The following CLCN5 variants were observed in gnomAD, a reference collection of about 807,000 sequenced individuals.
CLCN5 encodes Cl-/H+ antiporter 5.
Under a neutral mutation model 54.0 loss-of-function variants are expected in CLCN5, and 17 were observed. The observed-to-expected ratio is 0.31, with a 90% CI of 0.22 to 0.47. The LOEUF is 0.47. Ranked by LOEUF, CLCN5 falls within the 20% of genes least tolerant of loss-of-function variation. The pLI is 1.00. For missense variants in CLCN5, 448 were observed against 646.7 expected (o/e 0.69, Z 3.33); for synonymous variants, 222 against 233.0 (o/e 0.95, Z 0.43).
At chrX:50,021,252 T>G (rs1216049987) in intron 3 of CLCN5, among the ~76,000 whole-genome samples, 2 of 95,647 alleles carry the variant, frequency 2.1e-5, no homozygotes, top group African/African-American at 9.9e-5. Flanking sequence ...GAATGGGAGT[T>G]CACCCATGAT....
In CLCN5 at chrX:50,098,521, C is replaced by T. The variant is rs1302204264; in HGVS notation, c.*6302C>T. ...AGTAAGCTCTTTGTAGGGCTGGCTC[C>T]AACTGCAGTAGCCAAAGAAAACCTG... On this transcript the variant is annotated 3_prime_UTR_variant, in exon 15 of 15. Coordinates refer to ENST00000376091, the MANE Select transcript of CLCN5 (RefSeq NM_001127898.4). The T allele has an allele frequency of 8.8e-6, 1 of 113,223 alleles. No homozygotes were observed. The highest frequency in any genetic ancestry group is 1.9e-5 in the Non-Finnish European group (1 of 53,413). The allele number at this position is 113,223 out of a possible 1,213,427, so 9.3% of individuals were successfully genotyped here.
In CLCN5 at chrX:50,075,975, C is replaced by A; in HGVS notation, c.596C>A (p.Thr199Lys). 1 of 1,205,933 alleles carries A rather than the reference C, an allele frequency of 8.3e-7. No individual in the cohort carries two copies. ...AGTTGGTCCCAGCTTATCATCAGCA[C>A]AGATGAGGTAACATGTAGTGATGTT... ...WNSWSQLIIS[T>K]DEGAFAYIVN... The change falls in exon 7 of 15, where the codon ACA (threonine) becomes AAA (lysine). Residue 199 changes from threonine (T) to lysine (K), a missense_variant. By Grantham distance (78) the Thr-to-Lys change is moderately conservative. Transcript: ENST00000376091.
chrX:50,079,194 C>G (rs781890619), intron 7 of CLCN5, among the ~76,000 whole-genome samples: 7 of 111,462 alleles, frequency 6.3e-5, no homozygotes, highest in African/African-American at 2.0e-4. Flanking sequence ...CATTTCCTAC[C>G]TCTGCAGTCT....
At chrX:50,039,397 C>T (rs1217539016) in intron 3 of CLCN5, among the ~76,000 whole-genome samples, 1 of 111,790 alleles carries the variant, frequency 8.9e-6, no homozygotes, top group Non-Finnish European at 1.9e-5. Flanking sequence ...AATAACAAGC[C>T]TCAGAAGTGA....
At chrX:50,014,139 G>A (rs993218200) in intron 3 of CLCN5, among the ~76,000 whole-genome samples, 3 of 111,521 alleles carry the variant, frequency 2.7e-5, no homozygotes, top group Admixed American at 9.5e-5. Flanking sequence ...TCCTGAGCCT[G>A]CTGCTCTGCT....
chrX:49,951,345 C>G (rs1927035863), intron 3 of CLCN5, among the ~76,000 whole-genome samples: 1 of 111,941 alleles, frequency 8.9e-6, no homozygotes, highest in Non-Finnish European at 1.9e-5. Context: ...CATTAAGTCT[C>G]TAAGGTGACA....
chrX:50,070,077 A>G (rs1318257901), intron 5 of CLCN5, 47 bp downstream of exon 5: 1 of 1,066,362 alleles, frequency 9.4e-7, no homozygotes, highest in African/African-American at 1.8e-5. Flanking sequence ...AATACAGGGG[A>G]AGAAATTGAA....
chrX:50,000,641 C>T, intron 3 of CLCN5, among the ~76,000 whole-genome samples: 1 of 111,845 alleles, frequency 8.9e-6, no homozygotes, highest in South Asian at 3.8e-4. Flanking sequence ...AGTCAGATTA[C>T]CTGTGGTAGA....
At chrX:50,010,418 T>C (rs1557182357) in intron 3 of CLCN5, among the ~76,000 whole-genome samples, 1 of 110,395 alleles carries the variant, frequency 9.1e-6, no homozygotes, top group African/African-American at 3.3e-5. Flanking sequence ...TTTGTGTTTA[T>C]TTTTTGTAGA....
At chrX:50,042,519 A>C in intron 4 of CLCN5, 57 bp downstream of exon 4, 3 of 836,601 alleles carry the variant, frequency 3.6e-6, no homozygotes, top group Non-Finnish European at 4.7e-6. Flanking sequence ...TGTACAATAA[A>C]ATTTTATTTT....
intron 3 of CLCN5, among the ~76,000 whole-genome samples, chrX:49,925,746 G>C (rs1250079583): frequency 1.8e-5 from 2 of 112,097 alleles, no homozygotes; most frequent in Non-Finnish European, 3.8e-5. Context: ...GATGTATGCA[G>C]TTTGAAAGAG....
At chrX:50,042,284 G>T in intron 3 of CLCN5, 32 bp from the exon 4 acceptor site, 2 of 889,026 alleles carry the variant, frequency 2.2e-6, no homozygotes, top group Non-Finnish European at 3.1e-6. Context: ...GAAGATCATT[G>T]TTATAAGCCT....
At chrX:50,050,344 A>G (rs1932534832) in intron 4 of CLCN5, 1 of 112,198 alleles carries the variant, frequency 8.9e-6, no homozygotes, top group Admixed American at 9.4e-5. Context: ...CCTACCAGCT[A>G]TGAATGAGAG....
At chrX:49,996,772 C>T (rs1190561699) in intron 3 of CLCN5, among the ~76,000 whole-genome samples, 1 of 112,050 alleles carries the variant, frequency 8.9e-6, no homozygotes, top group African/African-American at 3.2e-5. Flanking sequence ...GCTCACCACA[C>T]TGATAGTCCA....
intron 3 of CLCN5, among the ~76,000 whole-genome samples, chrX:50,034,349 T>C (rs1291965298): frequency 1.8e-5 from 2 of 111,546 alleles, no homozygotes; most frequent in Non-Finnish European, 3.8e-5. Context: ...CTTAATGTTT[T>C]ATTTTAAATG....
chrX:49,949,405 C>A (rs1436607819), intron 3 of CLCN5, among the ~76,000 whole-genome samples: 3 of 112,190 alleles, frequency 2.7e-5, no homozygotes, highest in Admixed American at 9.4e-5. Flanking sequence ...ATTGATGCCC[C>A]TTTGTATTAA....
At chrX:50,078,331 C>CAG (rs1933529266) in intron 7 of CLCN5, among the ~76,000 whole-genome samples, 1 of 108,152 alleles carries the variant, frequency 9.2e-6, no homozygotes, top group South Asian at 4.0e-4. Flanking sequence ...GAGATCCTGT[C>CAG]ACACACACAC....
chrX:49,924,606 A>G (rs1383413464), intron 2 of CLCN5, among the ~76,000 whole-genome samples: 1 of 112,271 alleles, frequency 8.9e-6, no homozygotes, highest in Non-Finnish European at 1.9e-5. Flanking sequence ...CCCTGATTAT[A>G]AAAGCAATAT....
At chrX:49,977,977 G>C (rs1404298334) in intron 3 of CLCN5, among the ~76,000 whole-genome samples, 1 of 112,128 alleles carries the variant, frequency 8.9e-6, no homozygotes, top group Non-Finnish European at 1.9e-5. Flanking sequence ...CTGGAGTCAA[G>C]CTGCCTGCGT....
Sources: allele counts gnomAD v4.1 joint callset (sites outside exome capture counted in the v4.1 genomes callset), GRCh38; gene constraint gnomAD v4.1.1; transcripts MANE v1.5; gene names NCBI Gene and HGNC (gene_info 2026-07-23, HGNC 2026-07-21).